The following DENND6A variants were observed in gnomAD, a reference collection of about 807,000 sequenced individuals.
DENND6A encodes protein DENND6A.
Under a neutral mutation model 95.5 loss-of-function variants are expected in DENND6A, and 43 were observed. The ratio of observed to expected loss-of-function variants is 0.45; its 90% CI spans 0.35 to 0.58. DENND6A has a LOEUF of 0.58. Among genes scored for constraint, DENND6A ranks in the 20% least tolerant of loss-of-function variants. DENND6A has a pLI of 0.00. For missense variants in DENND6A, 574 were observed against 736.0 expected (o/e 0.78, Z 2.55); for synonymous variants, 257 against 260.4 (o/e 0.99, Z 0.13).
chr3:57,659,593 T>C (rs1259769944), intron 7 of DENND6A, among the ~76,000 whole-genome samples: 1 of 152,212 alleles, frequency 6.6e-6, no homozygotes, highest in Non-Finnish European at 1.5e-5. Flanking sequence ...TTACTTTTGA[T>C]GATTTCCCAA....
intron 1 of DENND6A, among the ~76,000 whole-genome samples, chr3:57,676,233 A>G (rs1006682449): frequency 5.1e-4 from 78 of 152,174 alleles, no homozygotes; most frequent in Non-Finnish European, 8.8e-5. Flanking sequence ...CAAAAAACTT[A>G]GCCAGGCATG....
intron 1 of DENND6A, among the ~76,000 whole-genome samples, chr3:57,685,878 C>T (rs544106558): frequency 6.4e-4 from 98 of 152,110 alleles, no homozygotes; most frequent in Non-Finnish European, 1.1e-3. Context: ...TCCCCTGAAA[C>T]GGTCTCAGAG....
chr3:57,666,177 C>T lies in DENND6A; in HGVS notation c.378G>A (p.Val126=). 6.2e-7 allele frequency: 1 copy of T among 1,614,000 alleles called. No individual in the cohort carries two copies. The highest frequency in any genetic ancestry group is 1.1e-5 in the South Asian group (1 of 91,074). ...FRFRQSSGRR[V]SLHCLLDQFD... ...ATTGATCCAGGAGACAATGCAGCGA[C>T]ACCCTCCTCCCAGAAGACTGTCGAA... Residue 126 remains valine, a synonymous_variant, in exon 4 of 20, where the codon GTG becomes GTA. Transcript: ENST00000311128.
intron 7 of DENND6A, among the ~76,000 whole-genome samples, chr3:57,660,251 G>A (rs2071398005): frequency 6.7e-6 from 1 of 150,134 alleles, no homozygotes. Flanking sequence ...CTGGAATGCA[G>A]TGATGCAAAC....
chr3:57,640,994 C>G (rs929626107), intron 12 of DENND6A, among the ~76,000 whole-genome samples: 1 of 151,594 alleles, frequency 6.6e-6, no homozygotes. Context: ...AAATCAATAA[C>G]CTGTGCTACA....
In DENND6A at chr3:57,642,708, T is replaced by C. The variant is rs191353592; in HGVS notation, c.1038-961A>G. ...TGCCGCATGAAAGAAAAAGCACTTATTAGAAAGATCAATCGGCCAGGCGCG... is the reference window on the plus strand; with the variant it reads ...TGCCGCATGAAAGAAAAAGCACTTACTAGAAAGATCAATCGGCCAGGCGCG... On this transcript the variant is annotated intron_variant, in intron 11 of 19. Coordinates refer to ENST00000311128, the MANE Select transcript of DENND6A (RefSeq NM_152678.3). Among the ~76,000 whole-genome samples, 367 of 151,952 alleles carry C rather than the reference T, an allele frequency of 2.4e-3. 1 individual carries two copies. The highest frequency in any genetic ancestry group is 3.6e-3 in the Non-Finnish European group (247 of 67,928).
chr3:57,677,383 T>C (rs1025384751), intron 1 of DENND6A, among the ~76,000 whole-genome samples: 2 of 151,828 alleles, frequency 1.3e-5, no homozygotes, highest in South Asian at 2.1e-4. Flanking sequence ...CAATAAACTT[T>C]GTTTTCTTAT....
intron 1 of DENND6A, among the ~76,000 whole-genome samples, chr3:57,685,217 C>T (rs145021098): frequency 0.024 from 3,655 of 152,052 alleles, 69 homozygotes; most frequent in Non-Finnish European, 0.035. Flanking sequence ...GCCACCACGT[C>T]CAGCCTAGAA....
chr3:57,641,794 G>A, intron 11 of DENND6A, 47 bp from the exon 12 acceptor site: 1 of 1,496,772 alleles, frequency 6.7e-7, no homozygotes, highest in Non-Finnish European at 9.2e-7. Context: ...AGAAAAAGAT[G>A]AATGCTAAAT....
Position 57,630,712 on chromosome 3 carries a change from A to G in DENND6A, c.1517+3T>C, listed in dbSNP as rs1434811478. On this transcript the variant is annotated splice_donor_region_variant and intron_variant, in intron 17 of 19. Transcript: ENST00000311128. ...GGGTGTAAAACAGGGAAAAAAGACT[A>G]ACCGGTAAAGTCCAATCCAATCGCC... 1 of 1,606,548 alleles carries G rather than the reference A, an allele frequency of 6.2e-7. No individual in the cohort carries two copies. The highest frequency in any genetic ancestry group is 8.5e-7 in the Non-Finnish European group (1 of 1,175,380).
At chr3:57,658,973 A>G (rs1383732511) in intron 8 of DENND6A, 145 bp downstream of exon 8, 2 of 671,794 alleles carry the variant, frequency 3.0e-6, no homozygotes, top group South Asian at 2.7e-5. Context: ...ATATATTACC[A>G]ATTCATTAAA....
chr3:57,657,644 A>G, intron 9 of DENND6A, 36 bp downstream of exon 9: 1 of 1,388,750 alleles, frequency 7.2e-7, no homozygotes, highest in Non-Finnish European at 1.0e-6. Flanking sequence ...CCACAAAGCA[A>G]AAGGAAGTCA....
chr3:57,657,726 T>C lies in DENND6A; in HGVS notation c.772A>G (p.Asn258Asp), dbSNP rs769830974. ...IVQLTQQVDT[N>D]ISVILPTVHE... ...ACAGTAGGTAAAATAACAGATATAT[T>C]TGTGTCCACCTGAGAGATAGAAAAG... Residue 258 changes from asparagine to aspartate, a missense_variant, in exon 9 of 20, where the codon AAT becomes GAT. Physicochemically the swap from Asn to Asp is conservative, Grantham distance 23. This residue lies in a region of DENND6A where 452 missense variants were observed against 630.9 expected (regional missense o/e 0.72). Transcript: ENST00000311128. 2 of 1,583,368 alleles carry C rather than the reference T, an allele frequency of 1.3e-6. No homozygotes were observed. Among genetic ancestry groups the C allele is most frequent in the South Asian group, 2.3e-5 (2 of 87,616 alleles).
chr3:57,690,287 C>T, intron 1 of DENND6A, among the ~76,000 whole-genome samples: 1 of 152,160 alleles, frequency 6.6e-6, no homozygotes, highest in South Asian at 2.1e-4. Flanking sequence ...GGGCAGATCA[C>T]ACTGTCAGGA....
chr3:57,674,276 G>A (rs969135916), intron 1 of DENND6A, among the ~76,000 whole-genome samples: 2 of 152,020 alleles, frequency 1.3e-5, no homozygotes, highest in African/African-American at 4.8e-5. Flanking sequence ...GGGAAGCTGA[G>A]GCAGGAGAAT....
chr3:57,646,386 A>G lies in DENND6A; in HGVS notation c.871T>C (p.Leu291=), dbSNP rs781572461. ...GCCATAACCACAAGGGGCTCCCCCAACAGCACCAGCTCCCAGAGCATCTGA... is the reference window on the plus strand; with the variant it reads ...GCCATAACCACAAGGGGCTCCCCCAGCAGCACCAGCTCCCAGAGCATCTGA... The part of the protein sequence containing the change: ...HSQMLWELVL[L]GEPLVVMAPS... Residue 291 remains leucine (L), a synonymous_variant, in exon 10 of 20, where the codon TTG becomes CTG. Transcript: ENST00000311128. 9.3e-6 allele frequency: 15 copies of G among 1,614,038 alleles called. No homozygotes were observed. The East Asian group carries it at 3.1e-4, about 34-fold the overall frequency.
At chr3:57,635,100 A>AGT (rs2070763223) in intron 12 of DENND6A, among the ~76,000 whole-genome samples, 2 of 152,204 alleles carry the variant, frequency 1.3e-5, no homozygotes, top group African/African-American at 4.8e-5. Flanking sequence ...TAAAACTGAA[A>AGT]ATTTAGATGC....
intron 1 of DENND6A, among the ~76,000 whole-genome samples, chr3:57,675,297 A>C (rs969207389): frequency 1.3e-5 from 2 of 152,216 alleles, no homozygotes; most frequent in African/African-American, 4.8e-5. Context: ...TTAAGTTATC[A>C]AGAACCATTT....
rs528926188 is a variant in DENND6A, at chr3:57,630,735, G to A, written c.1497C>T (p.Gly499=). 6.2e-6 allele frequency: 10 copies of A among 1,613,622 alleles called. No homozygotes were observed. Among genetic ancestry groups the A allele is most frequent in the East Asian group, 4.5e-5 (2 of 44,846 alleles). Residue 499 remains glycine, a synonymous_variant, in exon 17 of 20, where the codon GGC becomes GGT. Coordinates refer to ENST00000311128, the MANE Select transcript of DENND6A (RefSeq NM_152678.3). ...TGPQLTSRIK[G]DWIGLYRHFL... The stretch of plus-strand genomic sequence containing the variant: ...CTAACCGGTAAAGTCCAATCCAATC[G>A]CCTTTTATTCTAGAGGTTAGCTGAG...
Sources: gnomAD v4.1 joint callset for allele counts (sites outside exome capture counted in the v4.1 genomes callset) on GRCh38, gnomAD v4.1.1 for gene constraint, gnomAD v4.1.1 regional missense constraint, MANE v1.5 for transcripts, NCBI Gene and HGNC (gene_info 2026-07-23, HGNC 2026-07-21) for gene names.